PACRG: variants seen among roughly 807,000 people sequenced by gnomAD.
PACRG encodes the protein parkin coregulated gene protein.
PACRG carries 29 observed loss-of-function variants against 29.7 expected under a neutral mutation model. That is an observed-to-expected ratio of 0.98 (90% CI 0.73 to 1.33). The LOEUF is 1.33. Among genes scored for constraint, PACRG ranks in the 40% most tolerant of loss-of-function variants. The probability of loss-of-function intolerance (pLI) is 0.00; values close to 1 mark genes in which losing one functional copy is unlikely to be tolerated. For synonymous variants in PACRG, 116 were observed against 118.7 expected (o/e 0.98, Z 0.15); for missense variants, 279 against 316.2 (o/e 0.88, Z 0.89).
At chr6:162,753,825 CCCAG>C (rs1359188700) in intron 1 of PACRG, among the ~76,000 whole-genome samples, 1 of 152,192 alleles carries the variant, frequency 6.6e-6, no homozygotes, top group Non-Finnish European at 1.5e-5. Flanking sequence ...CTGAGGCCTT[CCCAG>C]CCATGCAGGA....
chr6:162,853,406 A>C lies in PACRG; in HGVS notation c.291+39125A>C, dbSNP rs1791093901. Among the ~76,000 whole-genome samples, 1 of 152,084 alleles carries C rather than the reference A, an allele frequency of 6.6e-6. No homozygotes were observed. The highest frequency in any genetic ancestry group is 2.4e-5 in the African/African-American group (1 of 41,406). The stretch of plus-strand genomic sequence containing the variant: ...TACGTTTTAACTTTCCTGATATCCT[A>C]CCATTATGTGTTACTATCAGCCTCG... On this transcript the variant is annotated intron_variant, in intron 2 of 4. Coordinates refer to ENST00000366888, the MANE Select transcript of PACRG (RefSeq NM_001080379.2). This position sits in a 1 kb window ranked among gnomAD's most constrained non-coding sequence, Gnocchi z 4.7.
At chr6:163,143,526 A>G (rs1777640037) in intron 4 of PACRG, among the ~76,000 whole-genome samples, 1 of 152,198 alleles carries the variant, frequency 6.6e-6, no homozygotes, top group Non-Finnish European at 1.5e-5. Context: ...TCTTTATGCC[A>G]TGCAGCACTT....
intron 4 of PACRG, among the ~76,000 whole-genome samples, chr6:163,237,366 C>T (rs7748863): frequency 0.55 from 83,485 of 151,868 alleles, 24,517 homozygotes; most frequent in African/African-American, 0.74. Flanking sequence ...TCTTGATAGA[C>T]ACAGTCTTCT....
At chr6:163,031,232 T>C (rs1397877371) in intron 2 of PACRG, among the ~76,000 whole-genome samples, 2 of 152,214 alleles carry the variant, frequency 1.3e-5, no homozygotes, top group Non-Finnish European at 2.9e-5. Context: ...TCTACAACAA[T>C]AAAGCCAAAT....
chr6:163,047,286 A>G (rs1585084909), intron 2 of PACRG, among the ~76,000 whole-genome samples: 2 of 152,200 alleles, frequency 1.3e-5, no homozygotes, highest in African/African-American at 2.4e-5. Flanking sequence ...AAAGTATACT[A>G]TTTTTAGCAT....
chr6:162,908,121 A>C (rs1796059061), intron 2 of PACRG, among the ~76,000 whole-genome samples: 1 of 152,230 alleles, frequency 6.6e-6, no homozygotes, highest in Non-Finnish European at 1.5e-5. Flanking sequence ...TCATAGGCAT[A>C]TATTAATACT....
chr6:163,108,160 T>C (rs1213676254), intron 4 of PACRG, among the ~76,000 whole-genome samples: 4 of 152,224 alleles, frequency 2.6e-5, no homozygotes, highest in Non-Finnish European at 1.5e-5. Flanking sequence ...ATTGGATCAC[T>C]GGGGTAGATT....
At chr6:163,266,666 A>G (rs992844347) in intron 4 of PACRG, among the ~76,000 whole-genome samples, 3 of 152,126 alleles carry the variant, frequency 2.0e-5, no homozygotes, top group African/African-American at 7.2e-5. Flanking sequence ...TGACTTTTGC[A>G]TGTATTACCT....
chr6:163,303,393 G>C (rs1355209141), intron 4 of PACRG, among the ~76,000 whole-genome samples: 2 of 152,164 alleles, frequency 1.3e-5, no homozygotes, highest in Non-Finnish European at 1.5e-5. Flanking sequence ...AAAAAAATCA[G>C]AGCTGAAAAC....
intron 4 of PACRG, among the ~76,000 whole-genome samples, chr6:163,279,562 T>C (rs974024432): frequency 1.3e-5 from 2 of 152,204 alleles, no homozygotes; most frequent in Non-Finnish European, 2.9e-5. Context: ...CAACTTGCTT[T>C]TCATTTTCTC....
At chr6:163,082,031 T>C (rs1299872514) in intron 3 of PACRG, among the ~76,000 whole-genome samples, 1 of 152,114 alleles carries the variant, frequency 6.6e-6, no homozygotes, top group African/African-American at 2.4e-5. Flanking sequence ...AACAATTAGA[T>C]CCAGTAAGGG....
At chr6:162,884,961 A>G (rs977086929) in intron 2 of PACRG, among the ~76,000 whole-genome samples, 1 of 152,160 alleles carries the variant, frequency 6.6e-6, no homozygotes, top group Non-Finnish European at 1.5e-5. Context: ...AACAGACAGA[A>G]GTTCTCTGCT....
At chr6:162,840,025 T>C (rs1187061547) in intron 2 of PACRG, among the ~76,000 whole-genome samples, 17 of 123,042 alleles carry the variant, frequency 1.4e-4, no homozygotes, top group Middle Eastern at 3.8e-3. Flanking sequence ...AGTCAGGTAG[T>C]GTGATGCCTC....
intron 4 of PACRG, among the ~76,000 whole-genome samples, chr6:163,205,495 G>C (rs1208149926): frequency 6.6e-6 from 1 of 152,138 alleles, no homozygotes; most frequent in African/African-American, 2.4e-5. Context: ...TGGTGGGATA[G>C]CTGGCTAGCC....
intron 2 of PACRG, among the ~76,000 whole-genome samples, chr6:162,934,288 A>T (rs1798084001): frequency 6.6e-6 from 1 of 152,132 alleles, no homozygotes; most frequent in Non-Finnish European, 1.5e-5. Context: ...AAATGAAAAA[A>T]AGAGAATGAG....
chr6:162,963,993 G>A (rs1394056061), intron 2 of PACRG, among the ~76,000 whole-genome samples: 1 of 152,172 alleles, frequency 6.6e-6, no homozygotes, highest in Non-Finnish European at 1.5e-5. Context: ...CTAGTGAGAT[G>A]TCTTGCCAGG....
At chr6:162,744,390 A>G (rs1780827959) in intron 1 of PACRG, among the ~76,000 whole-genome samples, 1 of 152,026 alleles carries the variant, frequency 6.6e-6, no homozygotes, top group Non-Finnish European at 1.5e-5. Flanking sequence ...TTGAGGCTAC[A>G]GTTCAAAACC....
intron 1 of PACRG, among the ~76,000 whole-genome samples, chr6:162,794,619 T>C (rs1445302460): frequency 6.6e-6 from 1 of 152,206 alleles, no homozygotes; most frequent in African/African-American, 2.4e-5. Flanking sequence ...ATTTCATATA[T>C]GGTGTGAGAC....
intron 2 of PACRG, among the ~76,000 whole-genome samples, chr6:163,057,971 A>T (rs1406905012): frequency 6.6e-6 from 1 of 152,202 alleles, no homozygotes; most frequent in African/African-American, 2.4e-5. Context: ...GCCTTGGTAA[A>T]ATAACCAATT....
Sources: allele counts gnomAD v4.1 joint callset (sites outside exome capture counted in the v4.1 genomes callset), GRCh38; gene constraint gnomAD v4.1.1; non-coding constraint Gnocchi (gnomAD v3.1); transcripts MANE v1.5; gene names NCBI Gene and HGNC (gene_info 2026-07-23, HGNC 2026-07-21).